Variants in NBEA observed in about 807,000 individuals in gnomAD.
The protein encoded by NBEA is lysosomal-trafficking regulator 2.
NBEA carries 44 observed loss-of-function variants against 343.4 expected under a neutral mutation model. That is an observed-to-expected ratio of 0.13 (90% confidence interval 0.10 to 0.16). The LOEUF is 0.16. NBEA is among the 10% of genes least tolerant of loss of function. NBEA has a pLI of 1.00. For missense variants in NBEA, 2,555 were observed against 3,631.3 expected, an observed-to-expected ratio of 0.70 and a Z score of 7.62; for synonymous variants, 1,175 against 1,238.7, an observed-to-expected ratio of 0.95 and a Z score of 1.08.
At chr13:35,497,052 A>G (rs1007053195) in intron 41 of NBEA, among the ~76,000 whole-genome samples, 3 of 152,068 alleles carry the variant, frequency 2.0e-5, no homozygotes, top group Non-Finnish European at 4.4e-5. Context: ...GCTTAGTTAG[A>G]TATGTAGATG....
In NBEA at chr13:35,139,744, G is replaced by GTTTTTTTTTTTTTT. The variant is rs36117821; in HGVS notation, c.2337-2510_2337-2497dup. On this transcript the variant is annotated intron_variant, in intron 17 of 58. Transcript: ENST00000379939. Reference sequence around the variant, plus strand: ...TTTCCTGCCTAAGATGATGGATGGCGTTTTTTTTTTTTTTTTTTTTTTTTT... The same window carrying GTTTTTTTTTTTTTT: ...TTTCCTGCCTAAGATGATGGATGGCGTTTTTTTTTTTTTTTTTTTTTTTTTTTTTTTTTTTTTTT... 2.6e-4 allele frequency among the ~76,000 whole-genome samples: 16 copies of GTTTTTTTTTTTTTT among 61,128 alleles called. 2 individuals carry two copies. Among genetic ancestry groups the GTTTTTTTTTTTTTT allele is most frequent in the Admixed American group, 4.1e-4 (2 of 4,928 alleles). 40.1% of individuals were successfully genotyped at this position (61,128 alleles called of 152,430 possible). A position where few individuals can be genotyped will look rare whatever the true frequency, so the allele number is the denominator to read the frequency against.
chr13:35,018,689 A>G lies in NBEA; in HGVS notation c.295-22244A>G, dbSNP rs570635601. 4.6e-5 allele frequency among the ~76,000 whole-genome samples: 7 copies of G among 152,250 alleles called. No individual in the cohort carries two copies. The South Asian group carries it at 1.5e-3, about 32-fold the overall frequency. ...ATGATTATGAGGTTTGTGAACAGAG[A>G]TAGTTTTACATCTTCCTTTCCAATC... is the stretch of plus-strand genomic sequence containing the variant. On this transcript the variant is annotated intron_variant, in intron 1 of 58. Transcript: ENST00000379939.
intron 41 of NBEA, among the ~76,000 whole-genome samples, chr13:35,496,461 C>A (rs2076680016): frequency 6.6e-6 from 1 of 151,512 alleles, no homozygotes; most frequent in Non-Finnish European, 1.5e-5. Flanking sequence ...ATGGTGAGAT[C>A]TTGTCTCTAA....
At chr13:35,282,474 G>A (rs1343291326) in intron 34 of NBEA, among the ~76,000 whole-genome samples, 1 of 152,108 alleles carries the variant, frequency 6.6e-6, no homozygotes, top group East Asian at 1.9e-4. Context: ...AAATTTCAAG[G>A]AGCTCAGAGA....
At chr13:35,337,944 G>A (rs9593123) in intron 36 of NBEA, among the ~76,000 whole-genome samples, 3 of 151,708 alleles carry the variant, frequency 2.0e-5, no homozygotes, top group Non-Finnish European at 4.4e-5. Flanking sequence ...AATCAAAACT[G>A]ATGGGATGCA....
intron 24 of NBEA, among the ~76,000 whole-genome samples, chr13:35,164,877 A>G (rs575636403): frequency 6.6e-6 from 1 of 152,240 alleles, no homozygotes; most frequent in East Asian, 1.9e-4. Flanking sequence ...CCTTGTCTTG[A>G]TTTGTTTCTA....
chr13:35,097,507 G>A (rs1231139784), intron 10 of NBEA, among the ~76,000 whole-genome samples: 2 of 151,840 alleles, frequency 1.3e-5, no homozygotes, highest in Non-Finnish European at 2.9e-5. Context: ...CCGTTATTTA[G>A]AATACTATAT....
intron 1 of NBEA, among the ~76,000 whole-genome samples, chr13:34,951,244 A>T (rs2059341263): frequency 6.6e-6 from 1 of 152,220 alleles, no homozygotes; most frequent in Non-Finnish European, 1.5e-5. Flanking sequence ...GAAAACATTA[A>T]ATATATTATT....
At position 35,196,112 on chromosome 13, in the gene NBEA, T is replaced by C. The variant is rs548361508; in HGVS notation, c.5176T>C (p.Leu1726=). Residue 1726 remains leucine, a synonymous_variant, in exon 31 of 59, where the codon TTG becomes CTG. Coordinates refer to ENST00000379939, the MANE Select transcript of NBEA (RefSeq NM_001385012.1). ...ESLTENPSET[L]KPATSISSIS... is the part of the protein sequence containing the mutation. ...CTTAACTGAAAATCCTAGTGAAACG[T>C]TGAAGCCTGCAACATCCATATCTAG... The C allele has an allele frequency of 2.0e-5, 32 of 1,613,566 alleles. No individual in the cohort carries two copies. Among genetic ancestry groups the C allele is most frequent in the Non-Finnish European group, 2.5e-5 (30 of 1,179,752 alleles).
chr13:35,040,554 AATGAATTTC>A (rs2062612578), intron 1 of NBEA, among the ~76,000 whole-genome samples: 1 of 152,138 alleles, frequency 6.6e-6, no homozygotes, highest in Non-Finnish European at 1.5e-5. Context: ...TGTCAAAAAA[AATGAATTTC>A]ATGTCTTAAA....
At chr13:35,031,588 T>A (rs1165955150) in intron 1 of NBEA, among the ~76,000 whole-genome samples, 1 of 151,640 alleles carries the variant, frequency 6.6e-6, no homozygotes, top group Non-Finnish European at 1.5e-5. Flanking sequence ...TCTCCCATTG[T>A]GCCTAAGTAC....
intron 48 of NBEA, among the ~76,000 whole-genome samples, chr13:35,617,417 T>A (rs1333202394): frequency 6.6e-6 from 1 of 152,212 alleles, no homozygotes; most frequent in Non-Finnish European, 1.5e-5. Flanking sequence ...TGAAAAGTGC[T>A]TATTGTTTCT....
In NBEA at chr13:35,417,184, C is replaced by A. The variant is rs192155044; in HGVS notation, c.6180-15085C>A. On this transcript the variant is annotated intron_variant, in intron 38 of 58. Transcript: ENST00000379939. ...CAATTTTGTTGATCTTTTCAAAAAA[C>A]CAGCTCCTGGATTCATTAATTTTTT... is the stretch of plus-strand genomic sequence containing the variant. Among the ~76,000 whole-genome samples, 1,412 of 152,200 alleles carry A rather than the reference C, an allele frequency of 9.3e-3. 27 individuals carry two copies. Among genetic ancestry groups the A allele is most frequent in the African/African-American group, 0.032 (1,329 of 41,528 alleles).
Position 35,332,020 on chromosome 13 carries a change from T to G in NBEA, c.5904-17088T>G, listed in dbSNP as rs74048998. ...TGACATGATCATTAAAATTCTATTT[T>G]TCTTAGTGTTCTTCTTCCCACATAA... is the stretch of plus-strand genomic sequence containing the variant. On this transcript the variant is annotated intron_variant, in intron 36 of 58. Transcript: ENST00000379939. 6.1e-3 allele frequency among the ~76,000 whole-genome samples: 933 copies of G among 152,152 alleles called. 18 individuals are homozygous for G. Among genetic ancestry groups the G allele is most frequent in the African/African-American group, 0.021 (877 of 41,550 alleles).
chr13:35,595,030 A>G (rs2081720829), intron 47 of NBEA, among the ~76,000 whole-genome samples: 1 of 151,420 alleles, frequency 6.6e-6, no homozygotes, highest in Non-Finnish European at 1.5e-5. Context: ...CCACCCTCAC[A>G]TATTTGGGGG....
chr13:35,323,910 T>G (rs948399848), intron 36 of NBEA, among the ~76,000 whole-genome samples: 18 of 152,306 alleles, frequency 1.2e-4, no homozygotes, highest in Admixed American at 7.2e-4. Flanking sequence ...TTCTTATTTC[T>G]TAGAGACACA....
intron 30 of NBEA, among the ~76,000 whole-genome samples, chr13:35,190,276 G>A (rs1041190408): frequency 2.0e-5 from 3 of 152,098 alleles, no homozygotes; most frequent in Admixed American, 2.0e-4. Context: ...GGGCAAACAA[G>A]AACCTTGCCT....
At chr13:35,021,494 C>T (rs143407449) in intron 1 of NBEA, among the ~76,000 whole-genome samples, 7 of 152,212 alleles carry the variant, frequency 4.6e-5, no homozygotes, top group African/African-American at 1.7e-4. Context: ...TGGCAGTTAT[C>T]ATTGCTGTTT....
chr13:35,229,997 C>T (rs1392561658), intron 33 of NBEA, among the ~76,000 whole-genome samples: 1 of 152,052 alleles, frequency 6.6e-6, no homozygotes, highest in African/African-American at 2.4e-5. Context: ...CATAAAACTT[C>T]TAATCTCTTG....
Sources: gnomAD v4.1 joint callset for allele counts (sites outside exome capture counted in the v4.1 genomes callset) on GRCh38, gnomAD v4.1.1 for gene constraint, MANE v1.5 for transcripts, NCBI Gene and HGNC (gene_info 2026-07-23, HGNC 2026-07-21) for gene names.